Variants in FHIT observed in about 807,000 individuals in gnomAD.
FHIT encodes the protein fragile histidine triad diadenosine triphosphatase.
A neutral mutation model predicts 17.9 loss-of-function variants in FHIT; 19 were observed. The observed-to-expected ratio is 1.06, with a 90% confidence interval of 0.74 to 1.56. The LOEUF (loss-of-function observed/expected upper bound fraction) is 1.56. FHIT is among the 40% of genes most tolerant of loss of function. The pLI, the probability that FHIT is intolerant of heterozygous loss-of-function variation, is 0.00. For missense variants in FHIT, 248 were observed against 189.2 expected (o/e 1.31, Z -1.82); for synonymous variants, 81 against 69.7 (o/e 1.16, Z -0.81).
chr3:59,788,033 CCAAT>C (rs764484744), intron 8 of FHIT, among the ~76,000 whole-genome samples: 1 of 152,190 alleles, frequency 6.6e-6, no homozygotes, highest in Non-Finnish European at 1.5e-5. Context: ...TTTCTCACTG[CCAAT>C]CAAAGTGTGA....
chr3:60,411,312 A>G (rs755467639), intron 5 of FHIT, among the ~76,000 whole-genome samples: 1 of 152,204 alleles, frequency 6.6e-6, no homozygotes, highest in Non-Finnish European at 1.5e-5. Flanking sequence ...TTGGAAATTA[A>G]CAAAGAAAAC....
chr3:61,143,617 A>G (rs1024108148), intron 2 of FHIT, among the ~76,000 whole-genome samples: 1 of 152,202 alleles, frequency 6.6e-6, no homozygotes, highest in African/African-American at 2.4e-5. Flanking sequence ...TGTAATCCCA[A>G]CGCTCTGGGA....
intron 1 of FHIT, among the ~76,000 whole-genome samples, chr3:61,202,088 A>ACACACACG (rs1318636619): frequency 1.3e-5 from 2 of 152,040 alleles, no homozygotes; most frequent in Middle Eastern, 3.4e-3. Context: ...ACACACACAC[A>ACACACACG]CACGCACATA....
rs144357251 is a variant in FHIT at position 61,031,921 on chromosome 3, G to C, written c.-111+10126C>G. On this transcript the variant is annotated intron_variant, in intron 3 of 9. Transcript: ENST00000492590. ...TCACCTTCTGTAAGTTAAATCAAAT[G>C]AACAATAAATCAAGGCATGTTGGGT... 4.3e-3 allele frequency among the ~76,000 whole-genome samples: 660 copies of C among 152,292 alleles called. 3 individuals carry two copies. The highest frequency in any genetic ancestry group is 0.02 in the Middle Eastern group (6 of 294).
chr3:61,116,923 T>C (rs889859033), intron 2 of FHIT, among the ~76,000 whole-genome samples: 5 of 152,160 alleles, frequency 3.3e-5, no homozygotes, highest in African/African-American at 9.7e-5. Context: ...AGTGTGCAAA[T>C]TGAACATTTT....
At chr3:61,158,939 A>T (rs1326199025) in intron 2 of FHIT, among the ~76,000 whole-genome samples, 1 of 152,242 alleles carries the variant, frequency 6.6e-6, no homozygotes, top group African/African-American at 2.4e-5. Context: ...AGGTGGGATG[A>T]TTTACATGTA....
intron 5 of FHIT, among the ~76,000 whole-genome samples, chr3:60,033,813 T>G (rs934769152): frequency 6.6e-6 from 1 of 152,186 alleles, no homozygotes; most frequent in African/African-American, 2.4e-5. Flanking sequence ...TTGGGTACAG[T>G]GACCAACACA....
intron 3 of FHIT, among the ~76,000 whole-genome samples, chr3:61,004,346 C>T (rs1215730888): frequency 3.9e-5 from 6 of 152,268 alleles, no homozygotes; most frequent in African/African-American, 9.6e-5. Flanking sequence ...AAAAAAGTTG[C>T]CCGGTTTCTC....
intron 5 of FHIT, among the ~76,000 whole-genome samples, chr3:60,053,501 A>G (rs1258270517): frequency 1.3e-5 from 2 of 151,628 alleles, no homozygotes; most frequent in African/African-American, 4.9e-5. Context: ...ATTGTTCGTC[A>G]TGTGAACTGG....
chr3:60,788,997 G>T (rs1700677723), intron 4 of FHIT, among the ~76,000 whole-genome samples: 2 of 151,676 alleles, frequency 1.3e-5, no homozygotes, highest in African/African-American at 4.8e-5. Context: ...ATAATTTGTT[G>T]TGAAACACTG....
intron 8 of FHIT, among the ~76,000 whole-genome samples, chr3:59,918,664 G>T (rs1705257577): frequency 6.6e-6 from 1 of 152,172 alleles, no homozygotes; most frequent in Non-Finnish European, 1.5e-5. Context: ...AGCAGCCCAT[G>T]AAATAGGCAA....
chr3:60,200,476 C>A (rs530585098), intron 5 of FHIT, among the ~76,000 whole-genome samples: 75 of 152,062 alleles, frequency 4.9e-4, no homozygotes, highest in Non-Finnish European at 9.6e-4. Flanking sequence ...CTATACATGA[C>A]CAAAATTACT....
chr3:59,938,673 A>G (rs1462785136), intron 7 of FHIT, among the ~76,000 whole-genome samples: 3 of 152,234 alleles, frequency 2.0e-5, no homozygotes, highest in Admixed American at 1.3e-4. Flanking sequence ...ACCATGTTGT[A>G]TACCTCAAAT....
At chr3:59,931,344 T>C (rs1265113163) in intron 7 of FHIT, among the ~76,000 whole-genome samples, 1 of 152,218 alleles carries the variant, frequency 6.6e-6, no homozygotes, top group Non-Finnish European at 1.5e-5. Context: ...CCTCATCTTC[T>C]GCAACTAAGT....
intron 4 of FHIT, among the ~76,000 whole-genome samples, chr3:60,643,689 C>T (rs2039783400): frequency 6.6e-6 from 1 of 152,162 alleles, no homozygotes; most frequent in African/African-American, 2.4e-5. Flanking sequence ...AGAATGATCA[C>T]CTTAGGGTTG....
chr3:60,568,022 G>C (rs1174260563), intron 4 of FHIT, among the ~76,000 whole-genome samples: 2 of 152,180 alleles, frequency 1.3e-5, no homozygotes, highest in Non-Finnish European at 2.9e-5. Flanking sequence ...CTGTAAACTA[G>C]TTCAACCATT....
chr3:61,199,835 C>A (rs2038962016), intron 2 of FHIT, among the ~76,000 whole-genome samples: 1 of 152,114 alleles, frequency 6.6e-6, no homozygotes, highest in South Asian at 2.1e-4. Flanking sequence ...ACCCTGGCCA[C>A]CAAAGACTCT....
At chr3:60,856,034 T>C (rs1467815143) in intron 3 of FHIT, among the ~76,000 whole-genome samples, 4 of 152,134 alleles carry the variant, frequency 2.6e-5, no homozygotes, top group Non-Finnish European at 4.4e-5. Flanking sequence ...GTAATTATGA[T>C]GGTGTTTCAG....
chr3:60,637,995 C>T (rs1250852642), intron 4 of FHIT, among the ~76,000 whole-genome samples: 5 of 152,042 alleles, frequency 3.3e-5, no homozygotes, highest in African/African-American at 7.2e-5. Context: ...GAAAGGGGCT[C>T]CCACTGGCCA....
Sources: gnomAD v4.1 joint callset for allele counts (sites outside exome capture counted in the v4.1 genomes callset) on GRCh38, gnomAD v4.1.1 for gene constraint, MANE v1.5 for transcripts, NCBI Gene and HGNC (gene_info 2026-07-23, HGNC 2026-07-21) for gene names.